CNTNAP2: variants seen among roughly 807,000 people sequenced by gnomAD.
The protein encoded by CNTNAP2 is contactin associated protein 2.
In CNTNAP2, 98 loss-of-function variants were observed where a neutral mutation model predicts 155.2. The observed-to-expected ratio is 0.63, with a 90% CI of 0.54 to 0.75. CNTNAP2 has a LOEUF of 0.75. Ranked by LOEUF, CNTNAP2 falls within the 30% of genes least tolerant of loss-of-function variation. CNTNAP2 has a pLI of 0.00. For synonymous variants in CNTNAP2, 651 were observed against 631.2 expected, an observed-to-expected ratio of 1.03 and a Z score of -0.47; for missense variants, 1,727 against 1,688.1, an observed-to-expected ratio of 1.02 and a Z score of -0.40.
intron 15 of CNTNAP2, among the ~76,000 whole-genome samples, chr7:148,020,880 G>T (rs911303955): frequency 6.6e-6 from 1 of 152,166 alleles, no homozygotes; most frequent in African/African-American, 2.4e-5. Context: ...AAGCTAAAAA[G>T]GTCAAAAACA....
intron 1 of CNTNAP2, among the ~76,000 whole-genome samples, chr7:146,234,055 G>T (rs372192331): frequency 5.8e-4 from 86 of 148,294 alleles, no homozygotes; most frequent in East Asian, 1.6e-3. Context: ...ACTTCCACAA[G>T]GGTTGAACTA....
chr7:148,180,956 G>A (rs1319601853), intron 18 of CNTNAP2, among the ~76,000 whole-genome samples: 1 of 152,148 alleles, frequency 6.6e-6, no homozygotes, highest in African/African-American at 2.4e-5. Context: ...TCTGCTAGGG[G>A]CTGCAGAGAA....
intron 18 of CNTNAP2, among the ~76,000 whole-genome samples, chr7:148,177,077 G>T (rs150665898): frequency 9.0e-4 from 137 of 152,294 alleles, no homozygotes; most frequent in African/African-American, 1.8e-3. Context: ...GTTTAAGCAA[G>T]AGAGAAAATA....
chr7:148,115,022 A>G (rs1563203871), intron 15 of CNTNAP2, among the ~76,000 whole-genome samples: 1 of 152,064 alleles, frequency 6.6e-6, no homozygotes, highest in Non-Finnish European at 1.5e-5. Context: ...ACAATTGACA[A>G]CTCCAAGGGC....
At chr7:147,735,686 C>G (rs1419288335) in intron 13 of CNTNAP2, among the ~76,000 whole-genome samples, 2 of 152,146 alleles carry the variant, frequency 1.3e-5, no homozygotes, top group Non-Finnish European at 2.9e-5. Context: ...GAAAGACTTG[C>G]TTTATCAATC....
At chr7:148,176,980 A>G (rs894224680) in intron 18 of CNTNAP2, among the ~76,000 whole-genome samples, 24 of 152,228 alleles carry the variant, frequency 1.6e-4, no homozygotes, top group African/African-American at 5.8e-4. Context: ...ACACTCAAGA[A>G]TTCTATAATT....
intron 1 of CNTNAP2, among the ~76,000 whole-genome samples, chr7:146,277,623 G>T (rs1800184590): frequency 6.6e-6 from 1 of 152,142 alleles, no homozygotes; most frequent in Non-Finnish European, 1.5e-5. Flanking sequence ...CCATTAAGAA[G>T]TCAGGCATGT....
intron 21 of CNTNAP2, among the ~76,000 whole-genome samples, chr7:148,268,320 G>A (rs763108385): frequency 1.3e-5 from 2 of 151,956 alleles, no homozygotes; most frequent in Non-Finnish European, 2.9e-5. Context: ...CATGCGGCAG[G>A]GGTCACAAAA....
At chr7:146,935,175 T>G (rs1008431661) in intron 3 of CNTNAP2, among the ~76,000 whole-genome samples, 34 of 152,160 alleles carry the variant, frequency 2.2e-4, no homozygotes, top group African/African-American at 8.0e-4. Context: ...TGTGAACAGC[T>G]TTTCCCAAGA....
chr7:148,095,687 G>T (rs1585122656), intron 15 of CNTNAP2, among the ~76,000 whole-genome samples: 1 of 152,180 alleles, frequency 6.6e-6, no homozygotes, highest in African/African-American at 2.4e-5. Context: ...AGAATATCAG[G>T]CTGAAACACA....
At chr7:147,181,190 G>A (rs1299755877) in intron 8 of CNTNAP2, among the ~76,000 whole-genome samples, 1 of 152,094 alleles carries the variant, frequency 6.6e-6, no homozygotes, top group Non-Finnish European at 1.5e-5. Context: ...AAAATAGTTT[G>A]AGCTGGGGGG....
intron 8 of CNTNAP2, among the ~76,000 whole-genome samples, chr7:147,237,004 G>A (rs6943628): frequency 0.088 from 12,685 of 144,652 alleles, 566 homozygotes; most frequent in Middle Eastern, 0.12. Flanking sequence ...TCTTGTCTGC[G>A]TATCTAGCCA....
chr7:148,235,729 A>G (rs890127081), intron 20 of CNTNAP2, among the ~76,000 whole-genome samples: 10 of 130,884 alleles, frequency 7.6e-5, no homozygotes, highest in African/African-American at 2.9e-4. Context: ...CTCTGTCACC[A>G]GGCTGGAGTG....
At chr7:148,129,698 G>T (rs1255350011) in intron 16 of CNTNAP2, among the ~76,000 whole-genome samples, 6 of 152,196 alleles carry the variant, frequency 3.9e-5, no homozygotes, top group African/African-American at 1.4e-4. Context: ...ACCAGTCCTT[G>T]AACCTCTCCA....
intron 21 of CNTNAP2, among the ~76,000 whole-genome samples, chr7:148,286,326 C>A (rs1477308958): frequency 6.6e-6 from 1 of 152,152 alleles, no homozygotes; most frequent in East Asian, 1.9e-4. Context: ...TGTGTCGATC[C>A]TAGTGCTCTC....
At chr7:146,636,806 T>C (rs1799606885) in intron 1 of CNTNAP2, among the ~76,000 whole-genome samples, 1 of 152,210 alleles carries the variant, frequency 6.6e-6, no homozygotes, top group Non-Finnish European at 1.5e-5. Flanking sequence ...CATTTGTTTG[T>C]ATAGAAAATG....
chr7:147,870,068 C>A (rs1799302107), intron 13 of CNTNAP2, among the ~76,000 whole-genome samples: 1 of 152,002 alleles, frequency 6.6e-6, no homozygotes, highest in South Asian at 2.1e-4. Context: ...ATTAGATGCC[C>A]AAGGTAACAC....
intron 13 of CNTNAP2, among the ~76,000 whole-genome samples, chr7:147,648,491 T>C (rs1189410833): frequency 2.0e-5 from 3 of 152,212 alleles, no homozygotes; most frequent in Non-Finnish European, 4.4e-5. Flanking sequence ...GATAAAGACA[T>C]ACCTGAGACT....
chr7:147,451,256 A>C (rs567180847), intron 10 of CNTNAP2, among the ~76,000 whole-genome samples: 2 of 152,340 alleles, frequency 1.3e-5, no homozygotes, highest in African/African-American at 4.8e-5. Flanking sequence ...TGACACTGAA[A>C]GGATACAGCC....
Sources: allele counts gnomAD v4.1 joint callset (sites outside exome capture counted in the v4.1 genomes callset), GRCh38; gene constraint gnomAD v4.1.1; transcripts MANE v1.5; gene names NCBI Gene and HGNC (gene_info 2026-07-23, HGNC 2026-07-21).